CDK12: variants seen among roughly 807,000 people sequenced by gnomAD.
CDK12 encodes cyclin-dependent kinase 12.
Under a neutral mutation model 133.8 loss-of-function variants are expected in CDK12, and 17 were observed. The ratio of observed to expected loss-of-function variants is 0.13; its 90% CI spans 0.09 to 0.19. CDK12 has a LOEUF of 0.19. Ranked by LOEUF, CDK12 falls within the 10% of genes least tolerant of loss-of-function variation. The pLI is 1.00. For synonymous variants in CDK12, 694 were observed against 683.6 expected, an observed-to-expected ratio of 1.02 and a Z score of -0.24; for missense variants, 1,508 against 1,818.7, an observed-to-expected ratio of 0.83 and a Z score of 3.11.
chr17:39,465,701 G>C (rs370517955), intron 1 of CDK12, among the ~76,000 whole-genome samples: 1 of 151,956 alleles, frequency 6.6e-6, no homozygotes, highest in Non-Finnish European at 1.5e-5. Context: ...ATGTTGGCCA[G>C]GTTGGTCTCC....
At chr17:39,511,977 C>G (rs2053533074) in intron 8 of CDK12, among the ~76,000 whole-genome samples, 1 of 152,178 alleles carries the variant, frequency 6.6e-6, no homozygotes, top group Non-Finnish European at 1.5e-5. Context: ...CTTATAATTT[C>G]ATTAGAAGAA....
intron 2 of CDK12, among the ~76,000 whole-genome samples, chr17:39,480,598 T>C (rs2050567468): frequency 6.6e-6 from 1 of 151,996 alleles, no homozygotes; most frequent in African/African-American, 2.4e-5. Flanking sequence ...ATTTTTTGTA[T>C]GTGTAGTAGA....
chr17:39,534,692 G>A, downstream of CDK12: 1 of 197,220 alleles, frequency 5.1e-6, no homozygotes. Flanking sequence ...CCCAGCAAAA[G>A]GTTATCAGGA....
At chr17:39,539,030 G>A (rs1361639648), downstream of CDK12, among the ~76,000 whole-genome samples, 1 of 152,086 alleles carries the variant, frequency 6.6e-6, no homozygotes, top group East Asian at 1.9e-4. Flanking sequence ...ACCACACAGG[G>A]CTAAACTAGA....
intron 8 of CDK12, among the ~76,000 whole-genome samples, chr17:39,514,904 C>G (rs980320754): frequency 5.3e-5 from 8 of 152,094 alleles, no homozygotes; most frequent in African/African-American, 1.9e-4. Flanking sequence ...CATTCCCAGG[C>G]AAACCACTGT....
At chr17:39,540,974 TCTCA>T (rs2055383221) in intron 1 of CDK12, among the ~76,000 whole-genome samples, 1 of 152,220 alleles carries the variant, frequency 6.6e-6, no homozygotes, top group South Asian at 2.1e-4. Context: ...GTAGCTCCTG[TCTCA>T]CTGTGTCTTC....
Position 39,532,102 on chromosome 17 carries a change from TTCTCTCTCTCTCTCTCTCTC to T in CDK12, c.*808_*827del, listed in dbSNP as rs71843922. 7,872 of 218,614 alleles carry T rather than the reference TTCTCTCTCTCTCTCTCTCTC, an allele frequency of 0.036. 156 individuals carry two copies. The highest frequency in any genetic ancestry group is 0.05 in the Non-Finnish European group (5,759 of 114,550). The allele number at this position is 218,614 out of a possible 1,614,324, so 13.5% of individuals were successfully genotyped here. On this transcript the variant is annotated 3_prime_UTR_variant, in exon 14 of 14. Transcript: ENST00000447079. ...GCTGATGTGTGCTCTCTCTCTCTCTTTCTCTCTCTCTCTCTCTCTCTCTCTCTCTCTCTCTCTCTCTGTCT... is the reference window on the plus strand; with the variant it reads ...GCTGATGTGTGCTCTCTCTCTCTCTTTCTCTCTCTCTCTCTCTCTCTGTCT...
chr17:39,530,889 G>A lies in CDK12; in HGVS notation c.4046G>A (p.Ser1349Asn), dbSNP rs1326824402. 6.2e-7 allele frequency: 1 copy of A among 1,614,214 alleles called. No homozygotes were observed. Among genetic ancestry groups the A allele is most frequent in the Non-Finnish European group, 8.5e-7 (1 of 1,180,034 alleles). The change falls in exon 14 of 14, where the codon AGT (serine) becomes AAT (asparagine). Residue 1349 changes from serine to asparagine, a missense_variant. This residue lies in a region of CDK12 where 399 missense variants were observed against 469.6 expected (regional missense o/e 0.85). Transcript: ENST00000447079. ...ACTGATGGGCCTGAAACAGGGTTCA[G>A]TGCCATTGACACTGATGAACGAAAC... is the stretch of plus-strand genomic sequence containing the variant. ...GNTDGPETGF[S>N]AIDTDERNSG... is the part of the protein sequence containing the mutation.
intron 6 of CDK12, among the ~76,000 whole-genome samples, chr17:39,506,487 A>T (rs1171889631): frequency 6.6e-6 from 1 of 152,082 alleles, no homozygotes; most frequent in Non-Finnish European, 1.5e-5. Context: ...AAGTGCTAGG[A>T]TTACAGACGC....
At chr17:39,516,952 C>T (rs1417284982) in intron 9 of CDK12, among the ~76,000 whole-genome samples, 2 of 152,094 alleles carry the variant, frequency 1.3e-5, no homozygotes, top group African/African-American at 4.8e-5. Context: ...CGTGAGCCAC[C>T]GTGCCCGGCC....
At chr17:39,481,043 C>T (rs984166353) in intron 2 of CDK12, among the ~76,000 whole-genome samples, 1 of 152,012 alleles carries the variant, frequency 6.6e-6, no homozygotes, top group African/African-American at 2.4e-5. Context: ...CACCTGAGGT[C>T]GGGAGTTGGA....
intron 9 of CDK12, among the ~76,000 whole-genome samples, chr17:39,516,701 C>A (rs1276985058): frequency 7.6e-6 from 1 of 132,356 alleles, no homozygotes; most frequent in Admixed American, 8.5e-5. Flanking sequence ...CTTGCTCTGT[C>A]ACCCAGGCTG....
chr17:39,483,680 AAC>A (rs1472363172), intron 2 of CDK12, among the ~76,000 whole-genome samples: 5 of 150,602 alleles, frequency 3.3e-5, no homozygotes, highest in South Asian at 2.1e-4. Context: ...GTGTTTTTTA[AAC>A]AGTTACAATT....
chr17:39,478,299 C>T (rs904992816), intron 2 of CDK12, among the ~76,000 whole-genome samples: 3 of 151,676 alleles, frequency 2.0e-5, no homozygotes, highest in Non-Finnish European at 4.4e-5. Context: ...TCACATGACT[C>T]TCCTGCCTCA....
chr17:39,501,185 G>A, intron 5 of CDK12, 65 bp from the exon 6 acceptor site: 1 of 1,175,778 alleles, frequency 8.5e-7, no homozygotes, highest in Non-Finnish European at 1.2e-6. Context: ...ATTAGGACTT[G>A]AGGCATTGTT....
chr17:39,462,527 G>A lies in CDK12; in HGVS notation c.456G>A (p.Lys152=), dbSNP rs368803953. 3.1e-6 allele frequency: 5 copies of A among 1,614,022 alleles called. No homozygotes were observed. In the African/African-American group the frequency reaches 4.0e-5, roughly 13 times the overall value. ...SMKDRISGSS[K]RSNEETDDYG... is the part of the protein sequence containing the mutation. ...AGGACCGGATATCGGGAAGTTCAAA[G>A]CGTTCGAATGAGGAGACTGATGACT... The change falls in exon 1 of 14, where the codon AAG becomes AAA. Residue 152 remains lysine (K), a synonymous_variant. Transcript: ENST00000447079.
chr17:39,478,175 G>T (rs1484046926), intron 2 of CDK12, among the ~76,000 whole-genome samples: 1 of 147,896 alleles, frequency 6.8e-6, no homozygotes, highest in Non-Finnish European at 1.5e-5. Context: ...GGCATTACAT[G>T]TGTGAGCCAC....
intron 3 of CDK12, among the ~76,000 whole-genome samples, chr17:39,559,798 C>T (rs1273602625): frequency 1.3e-5 from 2 of 150,180 alleles, no homozygotes; most frequent in East Asian, 3.9e-4. Context: ...AAGATCATGC[C>T]ACTGCACGCC....
intron 1 of CDK12, among the ~76,000 whole-genome samples, chr17:39,466,760 A>G (rs2049354251): frequency 6.6e-6 from 1 of 151,774 alleles, no homozygotes; most frequent in Non-Finnish European, 1.5e-5. Flanking sequence ...ATAAACATAT[A>G]ATATTCCCAG....
Sources: allele counts gnomAD v4.1 joint callset (sites outside exome capture counted in the v4.1 genomes callset), GRCh38; gene constraint gnomAD v4.1.1; regional missense constraint gnomAD v4.1.1; transcripts MANE v1.5; gene names NCBI Gene and HGNC (gene_info 2026-07-23, HGNC 2026-07-21).